The following TBC1D22A variants were observed in gnomAD, a reference collection of about 807,000 sequenced individuals.
The protein encoded by TBC1D22A is TBC1 domain family member 22A.
Under a neutral mutation model 60.2 loss-of-function variants are expected in TBC1D22A, and 38 were observed. The observed-to-expected ratio is 0.63, with a 90% CI of 0.49 to 0.83. TBC1D22A has a LOEUF of 0.83. Ranked by LOEUF, TBC1D22A falls within the 40% of genes least tolerant of loss-of-function variation. TBC1D22A has a pLI of 0.00. For synonymous variants in TBC1D22A, 302 were observed against 281.7 expected (o/e 1.07, Z -0.72); for missense variants, 628 against 701.0 (o/e 0.90, Z 1.18).
Position 46,897,640 on chromosome 22 carries a change from G to GTTTTTTTGTTTTTTTTT in TBC1D22A, c.900+2801_900+2802insGTTTTTTTTTTTTTTTT, listed in dbSNP as rs1569189469. Among the ~76,000 whole-genome samples, 74 of 108,374 alleles carry GTTTTTTTGTTTTTTTTT rather than the reference G, an allele frequency of 6.8e-4. 2 individuals are homozygous for GTTTTTTTGTTTTTTTTT. Among genetic ancestry groups the GTTTTTTTGTTTTTTTTT allele is most frequent in the African/African-American group, 2.8e-3 (65 of 23,606 alleles). The allele number at this position is 108,374 out of a possible 152,430, so 71.1% of individuals were successfully genotyped here. On this transcript the variant is annotated intron_variant, in intron 7 of 12. Transcript: ENST00000337137. ...GTTTTTTTTTGTTTTGTTTCGTTTT[G>GTTTTTTTGTTTTTTTTT]TTTTTTTTTGTGTTTTTTTTTTTTT...
chr22:46,917,034 C>T (rs538906933), intron 8 of TBC1D22A, among the ~76,000 whole-genome samples: 3 of 152,310 alleles, frequency 2.0e-5, no homozygotes, highest in South Asian at 4.1e-4. Context: ...GCCAAGCGTG[C>T]GTGCTTGTTC....
At chr22:46,866,346 C>T (rs764123347) in intron 4 of TBC1D22A, among the ~76,000 whole-genome samples, 28 of 152,134 alleles carry the variant, frequency 1.8e-4, no homozygotes, top group Non-Finnish European at 2.9e-4. Flanking sequence ...CTCAAGTGAT[C>T]GGCCCACCGC....
At chr22:46,874,372 G>A (rs2067436241) in intron 4 of TBC1D22A, among the ~76,000 whole-genome samples, 1 of 151,984 alleles carries the variant, frequency 6.6e-6, no homozygotes, top group Non-Finnish European at 1.5e-5. Flanking sequence ...TGTCTTCCAT[G>A]ATGTTTGATC....
chr22:47,060,604 G>A (rs889666696), intron 11 of TBC1D22A, among the ~76,000 whole-genome samples: 4 of 152,092 alleles, frequency 2.6e-5, no homozygotes, highest in African/African-American at 9.7e-5. Flanking sequence ...CTAATTTTTT[G>A]TGTTTTTAAT....
In TBC1D22A at chr22:46,777,958, G is replaced by T. The variant is rs1402979737; in HGVS notation, c.63-14562G>T. Among the ~76,000 whole-genome samples, 1 of 152,248 alleles carries T rather than the reference G, an allele frequency of 6.6e-6. No homozygotes were observed. Among genetic ancestry groups the T allele is most frequent in the Non-Finnish European group, 1.5e-5 (1 of 68,050 alleles). ...GTACGGCACCGTCTGTTGCTCTGAGGCTATGTGCCTGTACAGCATGGTACT... is the reference window on the plus strand; with the variant it reads ...GTACGGCACCGTCTGTTGCTCTGAGTCTATGTGCCTGTACAGCATGGTACT... On this transcript the variant is annotated intron_variant, in intron 1 of 12. Transcript: ENST00000337137. This position sits in a 1 kb window ranked among gnomAD's most constrained non-coding sequence, Gnocchi z 4.5.
At chr22:46,878,143 C>T (rs982887551) in intron 4 of TBC1D22A, among the ~76,000 whole-genome samples, 4 of 151,840 alleles carry the variant, frequency 2.6e-5, no homozygotes, top group African/African-American at 9.7e-5. Context: ...AAGCTTATCT[C>T]CGTGAAACAA....
Position 46,860,998 on chromosome 22 carries a change from A to G in TBC1D22A, c.638-17655A>G, listed in dbSNP as rs539951233. ...TAATAAATTAATTTTTTTTTAAGGC[A>G]GGGTCTAAGCTCTGTTGCCCTGGTC... On this transcript the variant is annotated intron_variant, in intron 4 of 12. Coordinates refer to ENST00000337137, the MANE Select transcript of TBC1D22A (RefSeq NM_014346.5). Among the ~76,000 whole-genome samples the G allele has an allele frequency of 2.1e-4, 32 of 152,168 alleles. No individual in the cohort carries two copies. In the East Asian group the frequency reaches 6.2e-3, roughly 29 times the overall value.
At chr22:46,938,096 A>G (rs2147925484) in intron 8 of TBC1D22A, among the ~76,000 whole-genome samples, 2 of 152,322 alleles carry the variant, frequency 1.3e-5, no homozygotes, top group South Asian at 4.1e-4. Context: ...CCAGCTGTGC[A>G]CTGTAATGTC....
intron 7 of TBC1D22A, among the ~76,000 whole-genome samples, chr22:46,905,764 G>T (rs768940488): frequency 1.3e-5 from 2 of 152,232 alleles, no homozygotes; most frequent in Non-Finnish European, 2.9e-5. Context: ...GTTTCCCACA[G>T]GCTGTTCCTC....
At chr22:46,891,569 C>T (rs2147603001) in intron 6 of TBC1D22A, among the ~76,000 whole-genome samples, 175 bp downstream of exon 6, 1 of 152,282 alleles carries the variant, frequency 6.6e-6, no homozygotes, top group Middle Eastern at 3.4e-3. Context: ...CAAATAATGG[C>T]AAATTTCCTC....
chr22:47,080,967 A>G (rs2064440678), intron 11 of TBC1D22A, among the ~76,000 whole-genome samples: 1 of 152,072 alleles, frequency 6.6e-6, no homozygotes. Context: ...CTAAAAATAC[A>G]ATATTAGCTG....
chr22:46,804,173 C>T (rs940761442), intron 4 of TBC1D22A, among the ~76,000 whole-genome samples: 3 of 152,192 alleles, frequency 2.0e-5, no homozygotes, highest in Non-Finnish European at 4.4e-5. Flanking sequence ...CCCACATCAC[C>T]GTTACTCTGC....
intron 11 of TBC1D22A, among the ~76,000 whole-genome samples, chr22:47,054,616 A>G (rs1377465973): frequency 6.6e-6 from 1 of 152,094 alleles, no homozygotes; most frequent in Admixed American, 6.5e-5. Context: ...CTTCCTTCTC[A>G]GGCCCTTCGA....
chr22:46,885,689 C>T (rs6007983), intron 5 of TBC1D22A, among the ~76,000 whole-genome samples: 374 of 152,158 alleles, frequency 2.5e-3, no homozygotes, highest in African/African-American at 8.6e-3. Flanking sequence ...TCACTGCCCC[C>T]CCTTGTAATT....
intron 8 of TBC1D22A, among the ~76,000 whole-genome samples, chr22:46,919,241 G>C (rs1036249609): frequency 1.3e-5 from 2 of 152,100 alleles, no homozygotes; most frequent in African/African-American, 4.8e-5. Context: ...GACATTTCAC[G>C]TGAGTGGAAT....
At chr22:46,941,390 AAT>A (rs1243607975) in intron 8 of TBC1D22A, among the ~76,000 whole-genome samples, 10 of 128,518 alleles carry the variant, frequency 7.8e-5, no homozygotes, top group African/African-American at 2.5e-4. Context: ...ATATATACGG[AAT>A]ATATATACAC....
At chr22:46,765,967 G>T (rs1346421151) in intron 1 of TBC1D22A, among the ~76,000 whole-genome samples, 2 of 110,850 alleles carry the variant, frequency 1.8e-5, no homozygotes, top group Admixed American at 1.8e-4. Flanking sequence ...ATGTGTGTGT[G>T]TGTGTGTGTG....
chr22:47,112,105 C>T (rs2065869742), intron 12 of TBC1D22A, among the ~76,000 whole-genome samples: 1 of 152,252 alleles, frequency 6.6e-6, no homozygotes. Flanking sequence ...TCCTCGCATG[C>T]CACGCGTCAG....
At chr22:47,013,955 C>T (rs1002304830) in intron 10 of TBC1D22A, among the ~76,000 whole-genome samples, 2 of 152,232 alleles carry the variant, frequency 1.3e-5, no homozygotes, top group African/African-American at 4.8e-5. Context: ...TCTCCCCATC[C>T]AGAGACCCTC....
Sources: allele counts gnomAD v4.1 joint callset (sites outside exome capture counted in the v4.1 genomes callset), GRCh38; gene constraint gnomAD v4.1.1; non-coding constraint Gnocchi (gnomAD v3.1); transcripts MANE v1.5; gene names NCBI Gene and HGNC (gene_info 2026-07-23, HGNC 2026-07-21).